The following PDE12 variants were observed in gnomAD, a reference collection of about 807,000 sequenced individuals.
PDE12 encodes 2',5'-phosphodiesterase 12.
A neutral mutation model predicts 45.4 loss-of-function variants in PDE12; 26 were observed. The ratio of observed to expected loss-of-function variants is 0.57; its 90% CI spans 0.42 to 0.79. The LOEUF (loss-of-function observed/expected upper bound fraction) is 0.79. Among genes scored for constraint, PDE12 ranks in the 30% least tolerant of loss-of-function variants. PDE12 has a pLI of 0.00. For missense variants in PDE12, 668 were observed against 790.0 expected (o/e 0.85, Z 1.85); for synonymous variants, 283 against 323.9 (o/e 0.87, Z 1.36).
At chr3:57,636,210 G>C in the PDE12 span, among the ~76,000 whole-genome samples, 632 of 152,182 alleles carry the variant, frequency 4.2e-3, 6 homozygotes, top group African/African-American at 0.015. Context: ...ATTGTTCAAG[G>C]GTTAATTGTA....
At chr3:57,655,628 T>A in the PDE12 span, among the ~76,000 whole-genome samples, 1 of 152,186 alleles carries the variant, frequency 6.6e-6, no homozygotes, top group Non-Finnish European at 1.5e-5. Flanking sequence ...TTAAAAATAT[T>A]TTTTTAAATT....
At chr3:57,602,890 A>G in the PDE12 span, among the ~76,000 whole-genome samples, 1 of 152,108 alleles carries the variant, frequency 6.6e-6, no homozygotes, top group African/African-American at 2.4e-5. Context: ...GCATTTATAA[A>G]AGTTTCCCAG....
the PDE12 span, chr3:57,572,364 T>G: frequency 8.2e-7 from 1 of 1,225,836 alleles, no homozygotes; most frequent in East Asian, 2.3e-5. Context: ...TGTTTAAACT[T>G]TCTTAATCAA....
the PDE12 span, among the ~76,000 whole-genome samples, chr3:57,636,328 A>G: frequency 6.6e-6 from 1 of 152,208 alleles, no homozygotes; most frequent in Non-Finnish European, 1.5e-5. Context: ...CTGTCCCAGT[A>G]ATAATTTTAA....
chr3:57,570,345 G>A (rs2069827497), downstream of PDE12, among the ~76,000 whole-genome samples: 3 of 147,022 alleles, frequency 2.0e-5, no homozygotes, highest in South Asian at 6.6e-4. Flanking sequence ...TCAAGTAGCT[G>A]GGACCACAGC....
the PDE12 span, among the ~76,000 whole-genome samples, chr3:57,622,625 A>G: frequency 6.6e-6 from 1 of 152,216 alleles, no homozygotes; most frequent in African/African-American, 2.4e-5. Flanking sequence ...TCCAAGGACT[A>G]GTACATGAGT....
the PDE12 span, among the ~76,000 whole-genome samples, chr3:57,609,523 T>C: frequency 2.0e-5 from 3 of 151,906 alleles, no homozygotes; most frequent in Non-Finnish European, 4.4e-5. Context: ...AAGAATCAAA[T>C]AGACGCAATA....
the PDE12 span, chr3:57,626,007 A>C: frequency 1.3e-5 from 2 of 152,662 alleles, no homozygotes; most frequent in African/African-American, 4.8e-5. Context: ...AAAAATAATA[A>C]GATGACCATT....
the PDE12 span, among the ~76,000 whole-genome samples, chr3:57,602,601 C>T: frequency 1.2e-3 from 185 of 152,230 alleles, no homozygotes; most frequent in Non-Finnish European, 2.1e-3. Context: ...GCCAGAGTCT[C>T]GCTCTGCTGC....
At chr3:57,640,370 A>T in the PDE12 span, among the ~76,000 whole-genome samples, 1 of 152,022 alleles carries the variant, frequency 6.6e-6, no homozygotes, top group Non-Finnish European at 1.5e-5. Context: ...AGGTGGGCAG[A>T]TCACCTGAGC....
chr3:57,608,041 G>T, the PDE12 span, among the ~76,000 whole-genome samples: 10 of 152,216 alleles, frequency 6.6e-5, no homozygotes, highest in Admixed American at 3.9e-4. Flanking sequence ...CTGAGCTCTC[G>T]GCAGAAACTC....
At chr3:57,641,821 A>G in the PDE12 span, 1 of 1,306,532 alleles carries the variant, frequency 7.7e-7, no homozygotes. Flanking sequence ...AGAATAGTTT[A>G]CTTTTTTTTT....
At position 57,557,097 on chromosome 3, in the gene PDE12, G is replaced by A; in HGVS notation, c.718G>A (p.Ala240Thr). Reference protein sequence around the residue: ...VEERVYTPSNADIGLRLKLHC... With the variant: ...VEERVYTPSNTDIGLRLKLHC... Reference sequence around the variant, plus strand: ...GGAGCGTGTCTACACCCCGTCCAATGCCGACATCGGGCTAAGGCTCAAGCT... The same window carrying A: ...GGAGCGTGTCTACACCCCGTCCAATACCGACATCGGGCTAAGGCTCAAGCT... Residue 240 changes from alanine to threonine, a missense_variant, in exon 1 of 3, where the codon GCC (alanine) becomes ACC (threonine). Coordinates refer to ENST00000311180, the MANE Select transcript of PDE12 (RefSeq NM_177966.7). 6.2e-7 allele frequency: 1 copy of A among 1,614,066 alleles called. No individual in the cohort carries two copies. Among genetic ancestry groups the A allele is most frequent in the Non-Finnish European group, 8.5e-7 (1 of 1,180,024 alleles).
At chr3:57,625,783 A>G in the PDE12 span, 1 of 152,558 alleles carries the variant, frequency 6.6e-6, no homozygotes, top group East Asian at 1.9e-4. Flanking sequence ...GGTTTTCAAC[A>G]TGTGTTAGGT....
At chr3:57,583,827 T>C in the PDE12 span, 1 of 1,037,166 alleles carries the variant, frequency 9.6e-7, no homozygotes, top group South Asian at 1.4e-5. Flanking sequence ...AAGTAAATAC[T>C]AGATACTAAT....
At chr3:57,559,230 A>G in intron 1 of PDE12, 80 bp from the exon 2 acceptor site, 1 of 1,274,128 alleles carries the variant, frequency 7.8e-7, no homozygotes, top group Non-Finnish European at 1.1e-6. Flanking sequence ...AAAAAACTCA[A>G]AAAAACAAAC....
chr3:57,641,528 T>C, the PDE12 span: 1 of 658,378 alleles, frequency 1.5e-6, no homozygotes. Context: ...AGCAGGAAAT[T>C]ATACCCTTCT....
At chr3:57,621,542 C>T in the PDE12 span, among the ~76,000 whole-genome samples, 1 of 151,746 alleles carries the variant, frequency 6.6e-6, no homozygotes, top group Admixed American at 6.6e-5. Flanking sequence ...TGGTGGTGCA[C>T]GCCTGTAATC....
At position 57,560,255 on chromosome 3, in the gene PDE12, T is replaced by C; in HGVS notation, c.*251T>C. On this transcript the variant is annotated 3_prime_UTR_variant, in exon 3 of 3. Coordinates refer to ENST00000311180, the MANE Select transcript of PDE12 (RefSeq NM_177966.7). ...ACTAGCAAAATAGAAAATTGAATTA[T>C]TTTTCTCCAAATTGAGACTCTCAGA... 1 of 1,227,556 alleles carries C rather than the reference T, an allele frequency of 8.1e-7. No homozygotes were observed. The highest frequency in any genetic ancestry group is 1.0e-6 in the Non-Finnish European group (1 of 982,892). 76.0% of individuals were successfully genotyped at this position (1,227,556 alleles called of 1,614,324 possible).
Sources: gnomAD v4.1 joint callset for allele counts (sites outside exome capture counted in the v4.1 genomes callset) on GRCh38, gnomAD v4.1.1 for gene constraint, MANE v1.5 for transcripts, NCBI Gene and HGNC (gene_info 2026-07-23, HGNC 2026-07-21) for gene names.